Variants in NFIC observed in about 807,000 individuals in gnomAD.
The protein encoded by NFIC is nuclear factor 1 C-type.
Under a neutral mutation model 54.4 loss-of-function variants are expected in NFIC, and 12 were observed. The ratio of observed to expected loss-of-function variants is 0.22; its 90% CI spans 0.14 to 0.36. The LOEUF is 0.36. NFIC is among the 10% of genes least tolerant of loss of function. The pLI is 1.00. For missense variants in NFIC, 575 were observed against 718.2 expected (o/e 0.80, Z 2.28); for synonymous variants, 322 against 319.2 (o/e 1.01, Z -0.09).
intron 1 of NFIC, among the ~76,000 whole-genome samples, chr19:3,372,386 G>C (rs2145441206): frequency 6.6e-6 from 1 of 152,230 alleles, no homozygotes; most frequent in South Asian, 2.1e-4. Context: ...AGCCCTGTGT[G>C]GGTACCAGCC....
chr19:3,421,737 A>T (rs1461095042), intron 2 of NFIC, among the ~76,000 whole-genome samples: 1 of 152,170 alleles, frequency 6.6e-6, no homozygotes, highest in Non-Finnish European at 1.5e-5. Context: ...GCGCTAGGAA[A>T]TATCATTGCT....
At chr19:3,384,390 T>TC (rs1568410722) in intron 2 of NFIC, among the ~76,000 whole-genome samples, 1 of 151,382 alleles carries the variant, frequency 6.6e-6, no homozygotes, top group Non-Finnish European at 1.5e-5. Context: ...TCTTTTTTTT[T>TC]TTTCTTTCTT....
intron 2 of NFIC, among the ~76,000 whole-genome samples, chr19:3,393,593 T>A (rs990392776): frequency 6.6e-6 from 1 of 151,428 alleles, no homozygotes; most frequent in Non-Finnish European, 1.5e-5. Flanking sequence ...GGAGGGCAGA[T>A]CACTTGAGGT....
At chr19:3,372,001 CT>C (rs1371389599) in intron 1 of NFIC, among the ~76,000 whole-genome samples, 2 of 46,336 alleles carry the variant, frequency 4.3e-5, no homozygotes, top group East Asian at 6.9e-4. Flanking sequence ...CTCTCTCCCT[CT>C]CTCTCTCTCT....
At chr19:3,388,040 G>A (rs2081324961) in intron 2 of NFIC, among the ~76,000 whole-genome samples, 1 of 151,926 alleles carries the variant, frequency 6.6e-6, no homozygotes, top group Non-Finnish European at 1.5e-5. Context: ...CTGCCAGCCC[G>A]CCCCGAGCCG....
At chr19:3,405,222 C>T (rs934201901) in intron 2 of NFIC, among the ~76,000 whole-genome samples, 11 of 152,222 alleles carry the variant, frequency 7.2e-5, no homozygotes, top group African/African-American at 2.2e-4. Context: ...CGGGGAGGCC[C>T]GGGATGGAGG....
At chr19:3,365,006 C>T (rs1171395849), upstream of NFIC, among the ~76,000 whole-genome samples, 2 of 152,146 alleles carry the variant, frequency 1.3e-5, no homozygotes, top group Non-Finnish European at 2.9e-5. Flanking sequence ...ATGGACCGTT[C>T]GTGATGTACT....
intron 2 of NFIC, among the ~76,000 whole-genome samples, chr19:3,414,318 C>T (rs911455678): frequency 6.6e-6 from 1 of 151,998 alleles, no homozygotes; most frequent in Non-Finnish European, 1.5e-5. Flanking sequence ...AAAGACAGGC[C>T]GGGCGCGGTG....
At position 3,359,684 on chromosome 19, in the gene NFIC, TG is replaced by T; in HGVS notation, c.3+1del. On this transcript the variant is annotated frameshift_variant and start_lost and splice_region_variant, in exon 1 of 10. Coordinates refer to the NFIC transcript ENST00000395111. LOFTEE classifies it high-confidence loss of function. Reference sequence around the variant, plus strand: ...GCCTCGCCTCCTCGCAGCAGCGCCATGGTACGTCGCCGCACCCACTTTCGTT... The same window carrying T: ...GCCTCGCCTCCTCGCAGCAGCGCCATGTACGTCGCCGCACCCACTTTCGTT... 7.1e-7 allele frequency: 1 copy of T among 1,415,338 alleles called. No individual in the cohort carries two copies. Among genetic ancestry groups the T allele is most frequent in the South Asian group, 1.4e-5 (1 of 70,728 alleles). The allele number at this position is 1,415,338 out of a possible 1,614,324, so 87.7% of individuals were successfully genotyped here. A position where few individuals can be genotyped will look rare whatever the true frequency, so the allele number is the denominator to read the frequency against.
chr19:3,384,226 TTATATA>T (rs377353204), intron 2 of NFIC, among the ~76,000 whole-genome samples: 2 of 149,968 alleles, frequency 1.3e-5, no homozygotes. Flanking sequence ...AGCTAATATT[TTATATA>T]TATATATATT....
rs2121999835 is a variant in NFIC at position 3,468,047 on chromosome 19, A to G, written c.*5278A>G. 1 of 151,112 alleles carries G rather than the reference A, an allele frequency of 6.6e-6. No homozygotes were observed. The highest frequency in any genetic ancestry group is 2.0e-4 in the East Asian group (1 of 5,098). 9.4% of individuals were successfully genotyped at this position (151,112 alleles called of 1,614,324 possible). On this transcript the variant is annotated 3_prime_UTR_variant, in exon 11 of 11. Transcript: ENST00000443272. ...GTACAGAGTGTGGGGTCAGTCCACCACCCTTGACCTCCCGGCAGGGCAAGG... is the reference window on the plus strand; with the variant it reads ...GTACAGAGTGTGGGGTCAGTCCACCGCCCTTGACCTCCCGGCAGGGCAAGG...
chr19:3,366,167 T>C (rs2080878495), upstream of NFIC, among the ~76,000 whole-genome samples: 3 of 151,554 alleles, frequency 2.0e-5, no homozygotes, highest in South Asian at 6.3e-4. Context: ...CCCTCTCCGC[T>C]TGATCCGAAT....
At chr19:3,462,052 C>CAATA (rs988176229) in intron 10 of NFIC, among the ~76,000 whole-genome samples, 4 of 150,540 alleles carry the variant, frequency 2.7e-5, no homozygotes, top group African/African-American at 4.9e-5. Context: ...GACTCTGTCT[C>CAATA]AATAAATAAA....
At chr19:3,385,509 G>A (rs1272074356) in intron 2 of NFIC, among the ~76,000 whole-genome samples, 5 of 151,932 alleles carry the variant, frequency 3.3e-5, no homozygotes, top group Admixed American at 1.3e-4. Context: ...TATCCTCTTC[G>A]GGATTGGTTT....
At chr19:3,374,223 A>G (rs1040924338) in intron 1 of NFIC, among the ~76,000 whole-genome samples, 1 of 152,146 alleles carries the variant, frequency 6.6e-6, no homozygotes, top group Non-Finnish European at 1.5e-5. Flanking sequence ...GGCATCACCC[A>G]GTGCATGGCG....
chr19:3,421,974 C>G (rs1033228828), intron 2 of NFIC, among the ~76,000 whole-genome samples: 6 of 151,960 alleles, frequency 3.9e-5, no homozygotes, highest in African/African-American at 1.4e-4. Context: ...GCTCTTGTTG[C>G]CCAGGCTGGA....
At chr19:3,414,758 T>C (rs1247746047) in intron 2 of NFIC, among the ~76,000 whole-genome samples, 1 of 152,148 alleles carries the variant, frequency 6.6e-6, no homozygotes, top group African/African-American at 2.4e-5. Context: ...ACAGAGAATC[T>C]AAAATGCTGC....
At chr19:3,386,108 T>G (rs946750742) in intron 2 of NFIC, among the ~76,000 whole-genome samples, 1 of 149,692 alleles carries the variant, frequency 6.7e-6, no homozygotes, top group African/African-American at 2.4e-5. Context: ...CAACTCCGGC[T>G]GGGTGTGGTG....
At chr19:3,461,794 G>A (rs1315148103) in intron 10 of NFIC, among the ~76,000 whole-genome samples, 5 of 151,960 alleles carry the variant, frequency 3.3e-5, no homozygotes, top group African/African-American at 1.2e-4. Flanking sequence ...AGTGGCTCAC[G>A]CCTGTAATCC....
Sources: allele counts gnomAD v4.1 joint callset (sites outside exome capture counted in the v4.1 genomes callset), GRCh38; gene constraint gnomAD v4.1.1; transcripts MANE v1.5; gene names NCBI Gene and HGNC (gene_info 2026-07-23, HGNC 2026-07-21).